Variants in SEPTIN10 observed in about 807,000 individuals in gnomAD.
SEPTIN10 encodes the protein septin 10.
Under a neutral mutation model 54.8 loss-of-function variants are expected in SEPTIN10, and 66 were observed. The observed-to-expected ratio is 1.21, with a 90% confidence interval of 0.99 to 1.48. SEPTIN10 has a LOEUF of 1.48. Among genes scored for constraint, SEPTIN10 ranks in the 40% most tolerant of loss-of-function variants. SEPTIN10 has a pLI of 0.00. For synonymous variants in SEPTIN10, 161 were observed against 181.0 expected (o/e 0.89, Z 0.89); for missense variants, 620 against 545.6 (o/e 1.14, Z -1.36).
At chr2:109,550,612 C>G (rs1682692880) in intron 9 of SEPTIN10, among the ~76,000 whole-genome samples, 4 of 152,248 alleles carry the variant, frequency 2.6e-5, no homozygotes, top group South Asian at 4.2e-4. Context: ...CCACGCCCGG[C>G]CCCATTTTTA....
At chr2:109,569,138 T>C (rs1687760746) in intron 5 of SEPTIN10, among the ~76,000 whole-genome samples, 1 of 151,990 alleles carries the variant, frequency 6.6e-6, no homozygotes, top group Non-Finnish European at 1.5e-5. Context: ...AGATTAAAAG[T>C]AAAAAATTGA....
At chr2:109,575,776 TA>T (rs1689546398) in intron 4 of SEPTIN10, among the ~76,000 whole-genome samples, 1 of 152,266 alleles carries the variant, frequency 6.6e-6, no homozygotes, top group Non-Finnish European at 1.5e-5. Context: ...AATGAACCAG[TA>T]CCTTGAGCAG....
intron 1 of SEPTIN10, among the ~76,000 whole-genome samples, chr2:109,601,897 C>T (rs1490880909): frequency 4.6e-5 from 7 of 152,040 alleles, no homozygotes; most frequent in African/African-American, 9.7e-5. Context: ...GTTAGCCTAC[C>T]GCAGCATAAG....
In SEPTIN10 at chr2:109,545,523, C is replaced by A. The variant is rs532611623; in HGVS notation, c.1349+527G>T. The A allele has an allele frequency of 7.5e-5, 115 of 1,535,988 alleles. 1 individual carries two copies. Among genetic ancestry groups the A allele is most frequent in the African/African-American group, 7.0e-4 (51 of 73,098 alleles). ...GCTCTGACATCAATGCACAGGAGTT[C>A]GAATCGACAGCCTGGTTCCCTTATT... is the stretch of plus-strand genomic sequence containing the variant. On this transcript the variant is annotated intron_variant, in intron 10 of 10. Coordinates refer to ENST00000397712, the MANE Select transcript of SEPTIN10 (RefSeq NM_144710.5).
chr2:109,592,982 A>AATGG, intron 2 of SEPTIN10, 69 bp downstream of exon 2: 1 of 1,059,034 alleles, frequency 9.4e-7, no homozygotes, highest in Non-Finnish European at 1.3e-6. Flanking sequence ...TAAGCACTCC[A>AATGG]AGTAGTTATT....
intron 1 of SEPTIN10, among the ~76,000 whole-genome samples, chr2:109,594,463 C>T (rs1189232868): frequency 6.6e-6 from 1 of 152,150 alleles, no homozygotes; most frequent in Admixed American, 6.6e-5. Flanking sequence ...CTGCTCTGCA[C>T]TGTGGTTTTT....
In SEPTIN10 at chr2:109,544,890, T is replaced by C. The variant is rs776786127; in HGVS notation, c.1350-566A>G. ...GATCCATGCCCTTGGAGAGCTTGCA[T>C]TGAAAGATCATACATGAGAATTCCT... On this transcript the variant is annotated intron_variant, in intron 10 of 10. Coordinates refer to ENST00000397712, the MANE Select transcript of SEPTIN10 (RefSeq NM_144710.5). The C allele has an allele frequency of 2.9e-4, 267 of 920,066 alleles. 2 individuals carry two copies. The highest frequency in any genetic ancestry group is 3.3e-4 in the Non-Finnish European group (254 of 770,506). 57.0% of individuals were successfully genotyped at this position (920,066 alleles called of 1,614,324 possible).
At chr2:109,580,012 T>C (rs1349464710) in intron 4 of SEPTIN10, among the ~76,000 whole-genome samples, 1 of 151,662 alleles carries the variant, frequency 6.6e-6, no homozygotes. Flanking sequence ...TCCCAGCTAC[T>C]CGGGAGGCTG....
intron 9 of SEPTIN10, among the ~76,000 whole-genome samples, chr2:109,549,859 T>C (rs1682425842): frequency 6.6e-6 from 1 of 152,196 alleles, no homozygotes; most frequent in African/African-American, 2.4e-5. Flanking sequence ...ATGTGGTCTC[T>C]TTCTCTCTCA....
chr2:109,590,108 A>G (rs1453301568), intron 2 of SEPTIN10, among the ~76,000 whole-genome samples: 9 of 151,278 alleles, frequency 5.9e-5, no homozygotes, highest in South Asian at 4.2e-4. Context: ...ATATATATGT[A>G]TGTATATATA....
intron 4 of SEPTIN10, among the ~76,000 whole-genome samples, chr2:109,579,385 CTTTTT>C (rs150577425): frequency 7.2e-6 from 1 of 139,390 alleles, no homozygotes. Context: ...CCAGGCCCTC[CTTTTT>C]TTTTTTTTTT....
rs370784512 is a variant in SEPTIN10 at position 109,572,089 on chromosome 2, C to T, written c.600+2492G>A. Among the ~76,000 whole-genome samples the T allele has an allele frequency of 4.6e-5, 7 of 152,320 alleles. No individual in the cohort carries two copies. In the East Asian group the frequency reaches 1.4e-3, roughly 29 times the overall value. On this transcript the variant is annotated intron_variant, in intron 5 of 10. Transcript: ENST00000397712. ...CTTCGTAATATTCATCTCAGCTAAT[C>T]TTCCCAAAAGTCTTAGAGTGAGCTC...
chr2:109,550,180 C>G (rs1195201394), intron 9 of SEPTIN10, among the ~76,000 whole-genome samples: 1 of 151,836 alleles, frequency 6.6e-6, no homozygotes, highest in Non-Finnish European at 1.5e-5. Flanking sequence ...ATCCCAGCTA[C>G]TCGGGAGGCT....
chr2:109,579,146 A>C (rs1211171530), intron 4 of SEPTIN10, among the ~76,000 whole-genome samples: 2 of 152,230 alleles, frequency 1.3e-5, no homozygotes, highest in East Asian at 3.8e-4. Context: ...GTACATTATC[A>C]ATATATTTAA....
At chr2:109,594,779 A>G (rs1289477324) in intron 1 of SEPTIN10, 1 of 152,276 alleles carries the variant, frequency 6.6e-6, no homozygotes, top group African/African-American at 2.4e-5. Flanking sequence ...AATCTTACAG[A>G]GACAAAATAG....
intron 9 of SEPTIN10, 92 bp from the exon 10 acceptor site, chr2:109,546,329 G>A (rs1172436034): frequency 1.2e-5 from 9 of 752,964 alleles, no homozygotes; most frequent in Non-Finnish European, 1.9e-5. Context: ...ACCCCATAGC[G>A]CAACACAGAA....
chr2:109,580,991 C>G (rs1690977218), intron 4 of SEPTIN10, among the ~76,000 whole-genome samples: 1 of 152,176 alleles, frequency 6.6e-6, no homozygotes, highest in Non-Finnish European at 1.5e-5. Flanking sequence ...CACTGCACAT[C>G]TGGAGAGGGC....
intron 4 of SEPTIN10, among the ~76,000 whole-genome samples, chr2:109,581,945 T>G (rs989677298): frequency 1.3e-5 from 2 of 152,166 alleles, no homozygotes; most frequent in African/African-American, 4.8e-5. Flanking sequence ...GCCAAATGGC[T>G]CCTGAACTGA....
intron 1 of SEPTIN10, among the ~76,000 whole-genome samples, chr2:109,599,949 A>G (rs1176042493): frequency 1.3e-5 from 2 of 152,214 alleles, no homozygotes; most frequent in Admixed American, 6.6e-5. Context: ...CTCTCATGGC[A>G]GCCAAACAGG....
Sources: gnomAD v4.1 joint callset for allele counts (sites outside exome capture counted in the v4.1 genomes callset) on GRCh38, gnomAD v4.1.1 for gene constraint, MANE v1.5 for transcripts, NCBI Gene and HGNC (gene_info 2026-07-23, HGNC 2026-07-21) for gene names.